The following CC2D2B variants were observed in gnomAD, a reference collection of about 807,000 sequenced individuals.
CC2D2B encodes the protein coiled-coil and C2 domain containing 2B.
A neutral mutation model predicts 161.2 loss-of-function variants in CC2D2B; 128 were observed. That is an observed-to-expected ratio of 0.79 (90% CI 0.69 to 0.92). CC2D2B has a LOEUF of 0.92. CC2D2B is among the 40% of genes least tolerant of loss of function. The pLI is 0.00. For missense variants in CC2D2B, 1,173 were observed against 1,375.1 expected, an observed-to-expected ratio of 0.85 and a Z score of 2.32; for synonymous variants, 391 against 449.8, an observed-to-expected ratio of 0.87 and a Z score of 1.65.
chr10:96,026,416 T>A (rs2079778589), intron 33 of CC2D2B, among the ~76,000 whole-genome samples: 1 of 152,200 alleles, frequency 6.6e-6, no homozygotes, highest in Admixed American at 6.5e-5. Context: ...CAAACTTACC[T>A]GTTCAATGCC....
chr10:95,922,956 T>TA (rs2098530544), intron 3 of CC2D2B, among the ~76,000 whole-genome samples: 2 of 28,328 alleles, frequency 7.1e-5, no homozygotes, highest in Admixed American at 8.4e-4. Flanking sequence ...TGTATGTTAT[T>TA]TTTTTTTTTT....
chr10:95,977,165 T>C (rs1403382178), intron 17 of CC2D2B, among the ~76,000 whole-genome samples: 2 of 152,060 alleles, frequency 1.3e-5, no homozygotes, highest in Admixed American at 1.3e-4. Context: ...AAGTCAGGAG[T>C]TTGAGACCAG....
intron 11 of CC2D2B, among the ~76,000 whole-genome samples, chr10:95,959,722 G>T (rs1482023733): frequency 6.6e-6 from 1 of 151,970 alleles, no homozygotes; most frequent in Non-Finnish European, 1.5e-5. Flanking sequence ...TTCAACATTA[G>T]AAATTAATTA....
At chr10:95,982,673 G>T (rs572392608) in intron 18 of CC2D2B, among the ~76,000 whole-genome samples, 4 of 152,144 alleles carry the variant, frequency 2.6e-5, no homozygotes, top group African/African-American at 9.6e-5. Context: ...TTCTTTCCTT[G>T]CTTTCCTGTT....
At chr10:96,027,520 A>C (rs2079835011) in intron 34 of CC2D2B, 131 bp downstream of exon 34, 2 of 590,458 alleles carry the variant, frequency 3.4e-6, no homozygotes, top group South Asian at 5.7e-5. Flanking sequence ...ATAGCATTAA[A>C]ATACACTTAC....
At chr10:95,908,498 G>A (rs1402709533) in intron 1 of CC2D2B, among the ~76,000 whole-genome samples, 1 of 152,170 alleles carries the variant, frequency 6.6e-6, no homozygotes, top group Non-Finnish European at 1.5e-5. Context: ...GTTTGAATCA[G>A]CCTTAGAAAC....
chr10:95,937,862 G>A (rs1475801411), intron 6 of CC2D2B, 129 bp from the exon 7 acceptor site: 1 of 623,100 alleles, frequency 1.6e-6, no homozygotes, highest in African/African-American at 1.9e-5. Context: ...AAGTTCAACT[G>A]GAACTTGTTC....
chr10:95,966,514 T>C (rs928504899), intron 14 of CC2D2B, among the ~76,000 whole-genome samples: 7 of 152,190 alleles, frequency 4.6e-5, no homozygotes, highest in Admixed American at 2.0e-4. Flanking sequence ...GGAAGTTAAA[T>C]TGCCCAGGTT....
At chr10:96,015,717 T>C (rs139932678) in intron 29 of CC2D2B, among the ~76,000 whole-genome samples, 1 of 152,306 alleles carries the variant, frequency 6.6e-6, no homozygotes, top group African/African-American at 2.4e-5. Context: ...TTCAGTCACT[T>C]TTCCTGATTA....
chr10:95,929,577 G>A (rs1564589926), intron 6 of CC2D2B, among the ~76,000 whole-genome samples: 1 of 152,232 alleles, frequency 6.6e-6, no homozygotes, highest in Non-Finnish European at 1.5e-5. Context: ...TTTGTATAAG[G>A]TGTAAGGAAG....
chr10:95,977,359 G>T (rs1174074231), intron 17 of CC2D2B, among the ~76,000 whole-genome samples: 1 of 152,162 alleles, frequency 6.6e-6, no homozygotes, highest in East Asian at 1.9e-4. Flanking sequence ...TGGTGACAGA[G>T]TGAGACTCTG....
At chr10:95,916,397 T>G (rs2098516438) in intron 2 of CC2D2B, among the ~76,000 whole-genome samples, 1 of 152,114 alleles carries the variant, frequency 6.6e-6, no homozygotes, top group African/African-American at 2.4e-5. Flanking sequence ...TTAATGTGAT[T>G]TATTTCCTGC....
At chr10:95,993,173 G>A (rs2078020837) in intron 22 of CC2D2B, 1 of 155,254 alleles carries the variant, frequency 6.4e-6, no homozygotes, top group Non-Finnish European at 1.5e-5. Flanking sequence ...GTTATTTTTA[G>A]GTAACATCTA....
chr10:95,999,105 A>G (rs2078357054), intron 24 of CC2D2B, among the ~76,000 whole-genome samples: 1 of 152,190 alleles, frequency 6.6e-6, no homozygotes, highest in African/African-American at 2.4e-5. Flanking sequence ...AAAACAAACA[A>G]AAAAACCTTC....
intron 32 of CC2D2B, chr10:96,021,601 A>G (rs2079463981): frequency 6.6e-6 from 1 of 152,228 alleles, no homozygotes; most frequent in South Asian, 2.1e-4. Flanking sequence ...TGTAATGCTG[A>G]GCAAAATAAA....
At chr10:95,930,496 A>G (rs1171332129) in intron 6 of CC2D2B, among the ~76,000 whole-genome samples, 1 of 152,200 alleles carries the variant, frequency 6.6e-6, no homozygotes, top group East Asian at 1.9e-4. Context: ...GAATGCTTCC[A>G]GCTTCTGCCC....
Position 96,004,163 on chromosome 10 carries a change from A to T in CC2D2B, c.2861A>T (p.His954Leu), listed in dbSNP as rs2078649192. 1 of 1,537,556 alleles carries T rather than the reference A, an allele frequency of 6.5e-7. No homozygotes were observed. Among genetic ancestry groups the T allele is most frequent in the African/African-American group, 1.4e-5 (1 of 70,076 alleles). Residue 954 changes from histidine (H) to leucine (L), a missense_variant, in exon 25 of 35, where the codon CAT becomes CTT. Physicochemically the swap from His to Leu is moderately conservative, Grantham distance 99. Transcript: ENST00000646931. ...EIKVDFVSPGHDYSFSSLSKI... is the reference protein window; with the variant it reads ...EIKVDFVSPGLDYSFSSLSKI... ...TTTCTTATTTGCAGCTCACCAGGAC[A>T]TGATTATAGCTTCTCAAGCTTATCT...
intron 6 of CC2D2B, among the ~76,000 whole-genome samples, chr10:95,931,109 C>T (rs1054539688): frequency 2.0e-4 from 31 of 152,070 alleles, no homozygotes; most frequent in African/African-American, 7.3e-4. Context: ...CTGGTATAGT[C>T]TTGGGAGGGT....
intron 10 of CC2D2B, among the ~76,000 whole-genome samples, chr10:95,955,131 G>A (rs925057293): frequency 6.6e-6 from 1 of 151,860 alleles, no homozygotes; most frequent in Non-Finnish European, 1.5e-5. Flanking sequence ...TATATCAATT[G>A]ATGAATTGAT....
Sources: allele counts gnomAD v4.1 joint callset (sites outside exome capture counted in the v4.1 genomes callset), GRCh38; gene constraint gnomAD v4.1.1; transcripts MANE v1.5; gene names NCBI Gene and HGNC (gene_info 2026-07-23, HGNC 2026-07-21).